The following ARHGAP24 variants were observed in gnomAD, a reference collection of about 807,000 sequenced individuals.
ARHGAP24 encodes the protein Rho GTPase activating protein 24, also known as rho GTPase-activating protein 24.
Under a neutral mutation model 76.4 loss-of-function variants are expected in ARHGAP24, and 50 were observed. That is an observed-to-expected ratio of 0.65 (90% CI 0.52 to 0.83). The LOEUF is 0.83. Among genes scored for constraint, ARHGAP24 ranks in the 40% least tolerant of loss-of-function variants. ARHGAP24 has a pLI of 0.00. For missense variants in ARHGAP24, 930 were observed against 914.2 expected, an observed-to-expected ratio of 1.02 and a Z score of -0.22; for synonymous variants, 345 against 323.3, an observed-to-expected ratio of 1.07 and a Z score of -0.72.
intron 3 of ARHGAP24, among the ~76,000 whole-genome samples, chr4:85,827,457 T>G (rs961728914): frequency 6.9e-6 from 1 of 144,302 alleles, no homozygotes; most frequent in Non-Finnish European, 1.5e-5. Flanking sequence ...CACTGAAGTC[T>G]GCCCGTGTGT....
At chr4:85,907,017 T>C (rs1734805953) in intron 3 of ARHGAP24, among the ~76,000 whole-genome samples, 1 of 152,170 alleles carries the variant, frequency 6.6e-6, no homozygotes. Context: ...ATTAATTGAT[T>C]CTTTTCATCT....
At chr4:85,959,530 A>C (rs1477824906) in intron 5 of ARHGAP24, among the ~76,000 whole-genome samples, 1 of 152,162 alleles carries the variant, frequency 6.6e-6, no homozygotes, top group East Asian at 1.9e-4. Flanking sequence ...AACATATATC[A>C]GTAGTTTTTC....
intron 2 of ARHGAP24, among the ~76,000 whole-genome samples, chr4:85,612,845 T>A (rs899295160): frequency 7.6e-6 from 1 of 131,436 alleles, no homozygotes; most frequent in African/African-American, 2.8e-5. Context: ...TCACCCAGGC[T>A]GCTGGTGCAG....
At chr4:85,743,161 A>T (rs1283844325) in intron 3 of ARHGAP24, among the ~76,000 whole-genome samples, 1 of 152,038 alleles carries the variant, frequency 6.6e-6, no homozygotes, top group Non-Finnish European at 1.5e-5. Context: ...TCAAATTATC[A>T]TATAATTCAG....
intron 3 of ARHGAP24, among the ~76,000 whole-genome samples, chr4:85,765,484 G>A (rs1578207845): frequency 6.6e-6 from 1 of 152,106 alleles, no homozygotes; most frequent in East Asian, 1.9e-4. Flanking sequence ...GGGGTGATAT[G>A]GAAAAATAAT....
At chr4:85,979,723 G>A (rs1739543221) in intron 8 of ARHGAP24, among the ~76,000 whole-genome samples, 1 of 152,068 alleles carries the variant, frequency 6.6e-6, no homozygotes, top group Non-Finnish European at 1.5e-5. Flanking sequence ...TCTTTAAAAG[G>A]CAAGACAAAT....
At chr4:85,876,542 G>T (rs1179258209) in intron 3 of ARHGAP24, among the ~76,000 whole-genome samples, 2 of 152,028 alleles carry the variant, frequency 1.3e-5, no homozygotes, top group African/African-American at 4.8e-5. Flanking sequence ...TTCCCTCAAG[G>T]GTCTCTGTCC....
At chr4:85,612,309 C>T (rs1194094230) in intron 2 of ARHGAP24, among the ~76,000 whole-genome samples, 6 of 151,810 alleles carry the variant, frequency 4.0e-5, no homozygotes, top group African/African-American at 7.3e-5. Flanking sequence ...CCCAGCTACT[C>T]GGGAGGCTGA....
intron 3 of ARHGAP24, among the ~76,000 whole-genome samples, chr4:85,802,273 T>C (rs1375918480): frequency 6.6e-6 from 1 of 152,184 alleles, no homozygotes; most frequent in Non-Finnish European, 1.5e-5. Flanking sequence ...ATAATATTTA[T>C]ATGACCCACC....
chr4:85,575,798 A>T (rs944731873), intron 2 of ARHGAP24, among the ~76,000 whole-genome samples: 2 of 152,212 alleles, frequency 1.3e-5, no homozygotes, highest in African/African-American at 4.8e-5. Flanking sequence ...TATTACTTAA[A>T]TAAAAGCTAA....
intron 5 of ARHGAP24, among the ~76,000 whole-genome samples, chr4:85,950,452 A>C (rs1737545194): frequency 6.6e-6 from 1 of 151,984 alleles, no homozygotes; most frequent in Non-Finnish European, 1.5e-5. Context: ...ATGAGTTATG[A>C]TCATACTGCT....
chr4:85,944,035 G>A (rs577850437), intron 5 of ARHGAP24, among the ~76,000 whole-genome samples: 37 of 152,184 alleles, frequency 2.4e-4, no homozygotes, highest in African/African-American at 7.0e-4. Flanking sequence ...GAATCACCAC[G>A]CAGTCTTCCA....
chr4:85,754,766 A>C (rs919234231), intron 3 of ARHGAP24, among the ~76,000 whole-genome samples: 3 of 152,232 alleles, frequency 2.0e-5, no homozygotes, highest in Non-Finnish European at 4.4e-5. Flanking sequence ...AGCAGCCAGA[A>C]ATATTGGAAA....
intron 3 of ARHGAP24, among the ~76,000 whole-genome samples, chr4:85,793,643 C>T (rs1728222258): frequency 6.6e-6 from 1 of 151,806 alleles, no homozygotes; most frequent in Admixed American, 6.6e-5. Context: ...TTTTTAAAAT[C>T]TCAGATAAAA....
chr4:85,928,969 G>A (rs1027454157), intron 4 of ARHGAP24, among the ~76,000 whole-genome samples: 2 of 152,160 alleles, frequency 1.3e-5, no homozygotes, highest in East Asian at 1.9e-4. Flanking sequence ...GTCAGGCAAC[G>A]TGCACAGACC....
intron 1 of ARHGAP24, among the ~76,000 whole-genome samples, chr4:85,567,256 G>A (rs1321401882): frequency 6.6e-6 from 1 of 152,130 alleles, no homozygotes; most frequent in African/African-American, 2.4e-5. Context: ...GTGTGTTTGT[G>A]TTTATGGCTA....
chr4:85,714,070 A>G (rs1162378672), intron 2 of ARHGAP24, among the ~76,000 whole-genome samples: 2 of 152,120 alleles, frequency 1.3e-5, no homozygotes, highest in Non-Finnish European at 2.9e-5. Flanking sequence ...GAATGTCTCC[A>G]TCCTCCAATG....
intron 3 of ARHGAP24, among the ~76,000 whole-genome samples, chr4:85,771,228 T>C (rs1727119418): frequency 6.6e-6 from 1 of 152,226 alleles, no homozygotes; most frequent in Non-Finnish European, 1.5e-5. Context: ...AGAAGTTCCA[T>C]GAACTTCTGT....
chr4:85,829,423 G>A (rs945258245), intron 3 of ARHGAP24, among the ~76,000 whole-genome samples: 8 of 152,168 alleles, frequency 5.3e-5, no homozygotes, highest in African/African-American at 1.9e-4. Context: ...GTTCCTACAT[G>A]CATGTGGAAT....
Sources: gnomAD v4.1 joint callset for allele counts (sites outside exome capture counted in the v4.1 genomes callset) on GRCh38, gnomAD v4.1.1 for gene constraint, MANE v1.5 for transcripts, NCBI Gene and HGNC (gene_info 2026-07-23, HGNC 2026-07-21) for gene names.